Variants in SND1 observed in about 807,000 individuals in gnomAD.
SND1 encodes the protein staphylococcal nuclease domain-containing protein 1.
SND1 carries 38 observed loss-of-function variants against 121.7 expected under a neutral mutation model. That is an observed-to-expected ratio of 0.31 (90% CI 0.24 to 0.41). The LOEUF (loss-of-function observed/expected upper bound fraction) is 0.41, where lower values mean the gene tolerates loss of function less well. Ranked by LOEUF, SND1 falls within the 10% of genes least tolerant of loss-of-function variation. The pLI is 1.00. For synonymous variants in SND1, 401 were observed against 447.4 expected (o/e 0.90, Z 1.31); for missense variants, 868 against 1,184.6 (o/e 0.73, Z 3.92).
chr7:127,932,105 A>G (rs1375640342), intron 15 of SND1, among the ~76,000 whole-genome samples: 1 of 152,224 alleles, frequency 6.6e-6, no homozygotes, highest in African/African-American at 2.4e-5. Context: ...GCTGCCATAA[A>G]TAGTGATTCT....
chr7:127,724,739 G>A (rs780597885), intron 10 of SND1, among the ~76,000 whole-genome samples: 1 of 152,154 alleles, frequency 6.6e-6, no homozygotes, highest in Non-Finnish European at 1.5e-5. Context: ...AGATATGAAA[G>A]CAGTTTGCAT....
chr7:128,027,258 G>A (rs1803502064), intron 16 of SND1: 1 of 147,680 alleles, frequency 6.8e-6, no homozygotes. Context: ...CAGAATAACA[G>A]AGATCTCTGC....
At chr7:128,075,393 T>C (rs1562890656) in intron 17 of SND1, among the ~76,000 whole-genome samples, 1 of 152,232 alleles carries the variant, frequency 6.6e-6, no homozygotes, top group Non-Finnish European at 1.5e-5. Flanking sequence ...ACAGCCGTGC[T>C]GAGCTATAAA....
intron 10 of SND1, among the ~76,000 whole-genome samples, chr7:127,739,200 T>G (rs902698363): frequency 1.8e-4 from 27 of 152,236 alleles, no homozygotes; most frequent in African/African-American, 6.5e-4. Flanking sequence ...TTCTGAAGAA[T>G]AAATTAGTAT....
intron 1 of SND1, among the ~76,000 whole-genome samples, chr7:127,653,217 T>A (rs1795153579): frequency 6.6e-6 from 1 of 152,214 alleles, no homozygotes; most frequent in Non-Finnish European, 1.5e-5. Flanking sequence ...TTTTGAAAAT[T>A]CTTCAATTTT....
chr7:127,866,884 T>G (rs1164316400), intron 12 of SND1, among the ~76,000 whole-genome samples: 1 of 152,176 alleles, frequency 6.6e-6, no homozygotes, highest in Non-Finnish European at 1.5e-5. Context: ...TATGCTTGCT[T>G]TCTTACCTCC....
At chr7:127,858,445 C>G in intron 12 of SND1, 1 of 729,608 alleles carries the variant, frequency 1.4e-6, no homozygotes, top group East Asian at 2.8e-5. Flanking sequence ...CCAAGCTGTC[C>G]TCCTCTTCCA....
At chr7:127,707,411 C>T (rs1017684780) in intron 8 of SND1, 146 bp from the exon 9 acceptor site, 18 of 576,868 alleles carry the variant, frequency 3.1e-5, no homozygotes, top group Middle Eastern at 3.7e-4. Flanking sequence ...CATTTACTCT[C>T]GCTCTTTGTT....
At chr7:127,798,082 G>C (rs1454046610) in intron 10 of SND1, among the ~76,000 whole-genome samples, 1 of 152,118 alleles carries the variant, frequency 6.6e-6, no homozygotes, top group Admixed American at 6.6e-5. Flanking sequence ...CTTGAAAATG[G>C]TACTTTAATT....
At chr7:127,694,461 T>G (rs1283995815) in intron 2 of SND1, among the ~76,000 whole-genome samples, 1 of 152,184 alleles carries the variant, frequency 6.6e-6, no homozygotes, top group African/African-American at 2.4e-5. Context: ...ATATACAGCA[T>G]TTAGAGCAGT....
At chr7:127,974,604 C>T (rs868699559) in intron 15 of SND1, among the ~76,000 whole-genome samples, 1 of 152,162 alleles carries the variant, frequency 6.6e-6, no homozygotes, top group South Asian at 2.1e-4. Flanking sequence ...TCCAGGCTGT[C>T]TAGGAGAATT....
intron 16 of SND1, among the ~76,000 whole-genome samples, chr7:128,018,164 C>T (rs895080966): frequency 2.0e-5 from 3 of 152,328 alleles, no homozygotes; most frequent in South Asian, 2.1e-4. Context: ...TGTGTGTCAG[C>T]AAAAGAAGCA....
At chr7:127,753,011 T>G (rs1180113902) in intron 10 of SND1, among the ~76,000 whole-genome samples, 1 of 152,170 alleles carries the variant, frequency 6.6e-6, no homozygotes, top group Non-Finnish European at 1.5e-5. Flanking sequence ...TCAGGTACTG[T>G]TTTCCTGAAC....
At chr7:127,832,699 T>G (rs1798782690) in intron 11 of SND1, among the ~76,000 whole-genome samples, 1 of 152,196 alleles carries the variant, frequency 6.6e-6, no homozygotes, top group African/African-American at 2.4e-5. Flanking sequence ...GTGGTAGACA[T>G]GCAGCTTGTG....
intron 16 of SND1, among the ~76,000 whole-genome samples, chr7:128,053,756 C>T (rs1793088101): frequency 6.6e-6 from 1 of 152,054 alleles, no homozygotes; most frequent in Admixed American, 6.6e-5. Flanking sequence ...TGCTGGTCCT[C>T]AAAGGGCCTT....
At chr7:127,676,240 T>C (rs1795614351) in intron 1 of SND1, among the ~76,000 whole-genome samples, 1 of 152,046 alleles carries the variant, frequency 6.6e-6, no homozygotes, top group Admixed American at 6.5e-5. Context: ...CCTCAGGGCA[T>C]TGTTGTGAGG....
intron 10 of SND1, among the ~76,000 whole-genome samples, chr7:127,778,732 A>G (rs1432409467): frequency 2.0e-5 from 3 of 152,224 alleles, no homozygotes; most frequent in Non-Finnish European, 4.4e-5. Flanking sequence ...GTGCTTATGC[A>G]TAATAGACAT....
intron 12 of SND1, among the ~76,000 whole-genome samples, chr7:127,880,689 G>A (rs1399022118): frequency 1.3e-5 from 2 of 151,772 alleles, no homozygotes; most frequent in Non-Finnish European, 2.9e-5. Context: ...TGAGTTATCT[G>A]CATCCTTTTC....
intron 11 of SND1, among the ~76,000 whole-genome samples, chr7:127,816,766 C>T (rs1169842533): frequency 6.6e-6 from 1 of 151,052 alleles, no homozygotes; most frequent in East Asian, 2.0e-4. Flanking sequence ...TGGGTTCAAG[C>T]AGTTCTCATG....
Sources: allele counts gnomAD v4.1 joint callset (sites outside exome capture counted in the v4.1 genomes callset), GRCh38; gene constraint gnomAD v4.1.1; transcripts MANE v1.5; gene names NCBI Gene and HGNC (gene_info 2026-07-23, HGNC 2026-07-21).